PTPRD: variants seen among roughly 807,000 people sequenced by gnomAD.
The protein encoded by PTPRD is receptor-type tyrosine-protein phosphatase delta.
In PTPRD, 34 loss-of-function variants were observed where a neutral mutation model predicts 214.5. That is an observed-to-expected ratio of 0.16 (90% confidence interval 0.12 to 0.21). The LOEUF is 0.21. Among genes scored for constraint, PTPRD ranks in the 10% least tolerant of loss-of-function variants. The pLI is 1.00. For missense variants in PTPRD, 2,545 were observed against 2,398.7 expected, an observed-to-expected ratio of 1.06 and a Z score of -1.27; for synonymous variants, 1,128 against 845.7, an observed-to-expected ratio of 1.33 and a Z score of -5.79.
At chr9:9,483,973 A>G (rs1332195) in intron 8 of PTPRD, among the ~76,000 whole-genome samples, 82,696 of 151,282 alleles carry the variant, frequency 0.55, 22,708 homozygotes, top group East Asian at 0.69. Context: ...TTTCTGTGCT[A>G]AAAAAAATCC....
intron 9 of PTPRD, among the ~76,000 whole-genome samples, chr9:9,262,419 G>A (rs1234974624): frequency 1.3e-5 from 2 of 151,106 alleles, no homozygotes; most frequent in African/African-American, 2.4e-5. Context: ...TCTTCCTGGT[G>A]TTTATTTTAT....
intron 43 of PTPRD, among the ~76,000 whole-genome samples, chr9:8,335,953 A>G (rs1188123073): frequency 6.6e-6 from 1 of 152,198 alleles, no homozygotes; most frequent in African/African-American, 2.4e-5. Flanking sequence ...CTGCTCAAGG[A>G]AATAAGAGAG....
At chr9:8,340,533 G>A (rs1851482147) in intron 41 of PTPRD, 64 bp from the exon 42 acceptor site, 1 of 1,421,982 alleles carries the variant, frequency 7.0e-7, no homozygotes, top group Non-Finnish European at 9.4e-7. Flanking sequence ...AGCTCACACT[G>A]GATACATAAA....
chr9:8,588,675 G>A lies in PTPRD; in HGVS notation c.352+44642C>T, dbSNP rs552078769. 3.9e-5 allele frequency among the ~76,000 whole-genome samples: 6 copies of A among 152,108 alleles called. No individual in the cohort carries two copies. The East Asian group carries it at 7.7e-4, about 20-fold the overall frequency. On this transcript the variant is annotated intron_variant, in intron 14 of 45. Transcript: ENST00000381196. ...GGCATGTGTACACCTGTGCATACAC[G>A]TACCAAGATAATATAATACAAGATA... is the stretch of plus-strand genomic sequence containing the variant.
intron 11 of PTPRD, among the ~76,000 whole-genome samples, chr9:8,776,473 T>C (rs1008704131): frequency 6.6e-6 from 1 of 151,946 alleles, no homozygotes; most frequent in African/African-American, 2.4e-5. Context: ...AGCTAATTTT[T>C]GGTTAGTAAA....
intron 11 of PTPRD, among the ~76,000 whole-genome samples, chr9:8,907,027 T>C (rs1045568135): frequency 3.9e-5 from 6 of 152,114 alleles, no homozygotes; most frequent in African/African-American, 1.4e-4. Context: ...GCCGAAATTT[T>C]GCATATGTTT....
intron 21 of PTPRD, among the ~76,000 whole-genome samples, chr9:8,517,523 C>T (rs139214424): frequency 6.6e-6 from 1 of 152,336 alleles, no homozygotes; most frequent in Non-Finnish European, 1.5e-5. Flanking sequence ...CTCTACCATA[C>T]TAGCTATTAC....
At chr9:10,202,699 T>TATATATATATATATAC (rs58134083) in intron 3 of PTPRD, among the ~76,000 whole-genome samples, 1 of 144,990 alleles carries the variant, frequency 6.9e-6, no homozygotes, top group East Asian at 2.0e-4. Context: ...TATATATATA[T>TATATATATATATATAC]GCACCAGTGA....
chr9:8,983,342 C>A (rs540130695), intron 11 of PTPRD, among the ~76,000 whole-genome samples: 2 of 152,062 alleles, frequency 1.3e-5, no homozygotes, highest in East Asian at 1.9e-4. Flanking sequence ...GGGAAAAAAA[C>A]CTCTGATGCC....
intron 11 of PTPRD, among the ~76,000 whole-genome samples, chr9:8,772,912 G>C (rs2095297393): frequency 6.6e-6 from 1 of 152,080 alleles, no homozygotes; most frequent in Non-Finnish European, 1.5e-5. Context: ...GAAACATTTT[G>C]ATAACTTTAG....
intron 7 of PTPRD, among the ~76,000 whole-genome samples, chr9:9,583,663 A>G (rs949701433): frequency 1.3e-5 from 2 of 152,068 alleles, no homozygotes; most frequent in African/African-American, 4.8e-5. Context: ...GTAATATTGA[A>G]AAATCTGTAA....
intron 2 of PTPRD, among the ~76,000 whole-genome samples, chr9:10,385,387 G>A (rs940799429): frequency 2.6e-5 from 4 of 151,646 alleles, no homozygotes; most frequent in Admixed American, 6.6e-5. Context: ...TCACAGTGGA[G>A]GGTTCCAATC....
At chr9:10,365,158 T>A (rs936054936) in intron 2 of PTPRD, among the ~76,000 whole-genome samples, 1 of 152,208 alleles carries the variant, frequency 6.6e-6, no homozygotes, top group Non-Finnish European at 1.5e-5. Context: ...GACTTTCTCA[T>A]GGCTCCCAGT....
At chr9:9,362,194 T>G (rs921843237) in intron 9 of PTPRD, among the ~76,000 whole-genome samples, 2 of 151,136 alleles carry the variant, frequency 1.3e-5, no homozygotes, top group African/African-American at 4.8e-5. Context: ...GGTTGGGAAG[T>G]AAGTATATAT....
chr9:9,132,415 C>A (rs2099844243), intron 10 of PTPRD, among the ~76,000 whole-genome samples: 1 of 152,150 alleles, frequency 6.6e-6, no homozygotes, highest in African/African-American at 2.4e-5. Flanking sequence ...TAAAGTACAT[C>A]AGTACCAATA....
chr9:10,419,079 C>A (rs992022646), intron 2 of PTPRD, among the ~76,000 whole-genome samples: 1 of 151,834 alleles, frequency 6.6e-6, no homozygotes, highest in Non-Finnish European at 1.5e-5. Flanking sequence ...TTAGCCCCAC[C>A]TACACAAAAA....
intron 11 of PTPRD, among the ~76,000 whole-genome samples, chr9:8,772,413 CT>C (rs1240973360): frequency 1.3e-5 from 2 of 148,450 alleles, no homozygotes; most frequent in Admixed American, 6.7e-5. Flanking sequence ...AGTTAAAAAC[CT>C]CAAGCAGAAG....
At chr9:8,319,159 G>T (rs1401243120) in intron 45 of PTPRD, among the ~76,000 whole-genome samples, 4 of 152,192 alleles carry the variant, frequency 2.6e-5, no homozygotes, top group Non-Finnish European at 5.9e-5. Context: ...AGATACTGTG[G>T]ATGATGAATT....
chr9:8,820,132 T>C (rs2097020199), intron 11 of PTPRD, among the ~76,000 whole-genome samples: 1 of 152,172 alleles, frequency 6.6e-6, no homozygotes, highest in African/African-American at 2.4e-5. Context: ...GCTAACACTT[T>C]CTATATATAC....
Sources: gnomAD v4.1 joint callset for allele counts (sites outside exome capture counted in the v4.1 genomes callset) on GRCh38, gnomAD v4.1.1 for gene constraint, MANE v1.5 for transcripts, NCBI Gene and HGNC (gene_info 2026-07-23, HGNC 2026-07-21) for gene names.